The following DPYSL5 variants were observed in gnomAD, a reference collection of about 807,000 sequenced individuals.
The protein encoded by DPYSL5 is dihydropyrimidinase-related protein 5.
In DPYSL5, 9 loss-of-function variants were observed where a neutral mutation model predicts 58.4. The observed-to-expected ratio is 0.15, with a 90% CI of 0.09 to 0.27. The LOEUF is 0.27. Among genes scored for constraint, DPYSL5 ranks in the 10% least tolerant of loss-of-function variants. DPYSL5 has a pLI of 1.00. For missense variants in DPYSL5, 499 were observed against 770.6 expected (o/e 0.65, Z 4.17); for synonymous variants, 293 against 301.9 (o/e 0.97, Z 0.31).
chr2:26,940,924 T>C (rs2148175052), intron 9 of DPYSL5, among the ~76,000 whole-genome samples: 1 of 124,000 alleles, frequency 8.1e-6, no homozygotes, highest in South Asian at 2.7e-4. Context: ...TGATTATTAT[T>C]ATTATTATTA....
chr2:26,881,098 G>A lies in DPYSL5; in HGVS notation c.-4-17398G>A, dbSNP rs138216438. Among the ~76,000 whole-genome samples the A allele has an allele frequency of 1.1e-4, 17 of 152,282 alleles. No individual in the cohort carries two copies. The East Asian group carries it at 3.1e-3, about 28-fold the overall frequency. ...ACCTACTTGACAGCTGGGAAAACGG[G>A]CCTGGGAGGACGTGCCCATAGTCGC... On this transcript the variant is annotated intron_variant, in intron 1 of 12. Transcript: ENST00000288699.
In DPYSL5 at chr2:26,943,925, C is replaced by T. The variant is rs150670065; in HGVS notation, c.1441-731C>T. ...CCTCTGTTCCCTCAGAGTTGTCAGA[C>T]CAGTAAAGGGTGTGGCTTCGTGGGA... is the stretch of plus-strand genomic sequence containing the variant. On this transcript the variant is annotated intron_variant, in intron 11 of 12. Transcript: ENST00000288699. Among the ~76,000 whole-genome samples the T allele has an allele frequency of 1.1e-4, 16 of 152,278 alleles. No individual in the cohort carries two copies. In the East Asian group the frequency reaches 2.9e-3, roughly 28 times the overall value.
intron 5 of DPYSL5, among the ~76,000 whole-genome samples, chr2:26,930,178 A>G (rs941172731): frequency 6.6e-6 from 1 of 152,198 alleles, no homozygotes; most frequent in Non-Finnish European, 1.5e-5. Flanking sequence ...GTAGAGAAAC[A>G]CACACCAGAT....
intron 2 of DPYSL5, among the ~76,000 whole-genome samples, chr2:26,919,069 G>A (rs1047847739): frequency 1.3e-5 from 2 of 152,144 alleles, no homozygotes; most frequent in Non-Finnish European, 2.9e-5. Context: ...AAAGGTCTTT[G>A]TCCTGATAAA....
chr2:26,861,719 G>A (rs904510076), intron 1 of DPYSL5, among the ~76,000 whole-genome samples: 15 of 152,208 alleles, frequency 9.9e-5, no homozygotes, highest in Admixed American at 5.2e-4. Flanking sequence ...CTCTAAGGAC[G>A]TGAAGACAGA....
Position 26,925,150 on chromosome 2 carries a change from T to C in DPYSL5, c.420+105T>C, listed in dbSNP as rs1572709867. On this transcript the variant is annotated intron_variant, in intron 3 of 12. Coordinates refer to ENST00000288699, the MANE Select transcript of DPYSL5 (RefSeq NM_020134.4). This position sits in a 1 kb window ranked among gnomAD's most constrained non-coding sequence, Gnocchi z 4.5. ...TGCTTGTGTGGGGCACCCCTCCCACTACCATCCTAGCTCCCCACAATGCCA... is the reference window on the plus strand; with the variant it reads ...TGCTTGTGTGGGGCACCCCTCCCACCACCATCCTAGCTCCCCACAATGCCA... 6 of 1,407,906 alleles carry C rather than the reference T, an allele frequency of 4.3e-6. No individual in the cohort carries two copies. The East Asian group carries it at 1.4e-4, about 33-fold the overall frequency. The allele number at this position is 1,407,906 out of a possible 1,614,324, so 87.2% of individuals were successfully genotyped here. A position where few individuals can be genotyped will look rare whatever the true frequency, so the allele number is the denominator to read the frequency against.
chr2:26,848,115 C>T (rs1665643313), upstream of DPYSL5: 1 of 151,544 alleles, frequency 6.6e-6, no homozygotes. Context: ...ACTCTGGACT[C>T]CCGCGCTGGG....
chr2:26,926,930 C>T (rs775083957), intron 3 of DPYSL5, among the ~76,000 whole-genome samples: 2 of 152,182 alleles, frequency 1.3e-5, no homozygotes, highest in Non-Finnish European at 2.9e-5. Context: ...AATCATTATT[C>T]CTATGTTTAC....
rs1039446195 is a variant in DPYSL5 at position 26,934,014 on chromosome 2, A to G, written c.791-564A>G. On this transcript the variant is annotated intron_variant, in intron 7 of 12. Coordinates refer to ENST00000288699, the MANE Select transcript of DPYSL5 (RefSeq NM_020134.4). This position sits in a 1 kb window ranked among gnomAD's most constrained non-coding sequence, Gnocchi z 4.3. Reference sequence around the variant, plus strand: ...CAAGGGCATCCTGGCCTTCAACTCTATCGCCCTCTAGATCCCGCCACCTGC... The same window carrying G: ...CAAGGGCATCCTGGCCTTCAACTCTGTCGCCCTCTAGATCCCGCCACCTGC... Among the ~76,000 whole-genome samples the G allele has an allele frequency of 3.3e-5, 5 of 152,022 alleles. No individual in the cohort carries two copies. Among genetic ancestry groups the G allele is most frequent in the African/African-American group, 4.8e-5 (2 of 41,386 alleles).
At chr2:26,862,941 C>T (rs911761319) in intron 1 of DPYSL5, among the ~76,000 whole-genome samples, 1 of 152,146 alleles carries the variant, frequency 6.6e-6, no homozygotes, top group Non-Finnish European at 1.5e-5. Context: ...GGGTTTTGTT[C>T]AGGTGGAGGG....
intron 1 of DPYSL5, among the ~76,000 whole-genome samples, chr2:26,871,672 T>C (rs891041290): frequency 8.5e-5 from 13 of 152,066 alleles, no homozygotes; most frequent in African/African-American, 3.1e-4. Context: ...AACTCCTGGC[T>C]TCAAGTGATC....
chr2:26,924,359 T>G lies in DPYSL5; in HGVS notation c.262-528T>G, dbSNP rs1210186105. ...GTTTGAACAAAATTGCTTCATGAAA[T>G]TTGAGAGCATAAAACAAAACAATAT... On this transcript the variant is annotated intron_variant, in intron 2 of 12. Coordinates refer to ENST00000288699, the MANE Select transcript of DPYSL5 (RefSeq NM_020134.4). The surrounding 1 kb of genome is among the most constrained non-coding windows in gnomAD (Gnocchi z 4.7). Among the ~76,000 whole-genome samples the G allele has an allele frequency of 6.6e-6, 1 of 152,160 alleles. No homozygotes were observed. The highest frequency in any genetic ancestry group is 1.5e-5 in the Non-Finnish European group (1 of 68,016).
At chr2:26,889,275 CTTT>C (rs57812800) in intron 1 of DPYSL5, among the ~76,000 whole-genome samples, 1 of 146,044 alleles carries the variant, frequency 6.8e-6, no homozygotes, top group Non-Finnish European at 1.5e-5. Context: ...GCTTATACTT[CTTT>C]TTTTTTTTTG....
At chr2:26,871,828 A>G (rs1663268828) in intron 1 of DPYSL5, among the ~76,000 whole-genome samples, 1 of 152,232 alleles carries the variant, frequency 6.6e-6, no homozygotes, top group South Asian at 2.1e-4. Flanking sequence ...ATTTTACTTA[A>G]ATTTTTGAAA....
rs1156877054 is a variant in DPYSL5 at position 26,898,470 on chromosome 2, C to T, written c.-4-26C>T. The T allele has an allele frequency of 1.9e-6, 3 of 1,607,884 alleles. No homozygotes were observed. Among genetic ancestry groups the T allele is most frequent in the African/African-American group, 1.3e-5 (1 of 74,956 alleles). The stretch of plus-strand genomic sequence containing the variant: ...TGGAAACAGTGAGAAGGGACTTTGA[C>T]CTTGACCATGCTCACCTTCTTGTAG... On this transcript the variant is annotated intron_variant, in intron 1 of 12. Coordinates refer to ENST00000288699, the MANE Select transcript of DPYSL5 (RefSeq NM_020134.4). This position sits in a 1 kb window ranked among gnomAD's most constrained non-coding sequence, Gnocchi z 6.1.
intron 1 of DPYSL5, among the ~76,000 whole-genome samples, chr2:26,851,942 A>G (rs887084611): frequency 6.6e-6 from 1 of 150,494 alleles, no homozygotes; most frequent in African/African-American, 2.5e-5. Flanking sequence ...GTGAGACTCT[A>G]TCTCAAAAAA....
intron 1 of DPYSL5, among the ~76,000 whole-genome samples, chr2:26,858,785 G>A (rs1180170933): frequency 6.7e-6 from 1 of 150,308 alleles, no homozygotes; most frequent in African/African-American, 2.5e-5. Flanking sequence ...TGTTGCCCAG[G>A]CTGGTCTTGA....
chr2:26,906,978 G>A (rs530655509), intron 2 of DPYSL5, among the ~76,000 whole-genome samples: 49 of 152,050 alleles, frequency 3.2e-4, no homozygotes, highest in African/African-American at 1.1e-3. Context: ...TGTTGCCCAG[G>A]CTGGTCTTGA....
chr2:26,928,717 A>ACACACACACACACACACACACACACACG (rs1664892731), intron 5 of DPYSL5, among the ~76,000 whole-genome samples: 1 of 86,696 alleles, frequency 1.2e-5, no homozygotes, highest in Non-Finnish European at 2.5e-5. Flanking sequence ...ACACACACAC[A>ACACACACACACACACACACACACACACG]TACATATATA....
Sources: gnomAD v4.1 joint callset for allele counts (sites outside exome capture counted in the v4.1 genomes callset) on GRCh38, gnomAD v4.1.1 for gene constraint, Gnocchi (gnomAD v3.1) non-coding constraint, MANE v1.5 for transcripts, NCBI Gene and HGNC (gene_info 2026-07-23, HGNC 2026-07-21) for gene names.